GPATCH8: variants seen among roughly 807,000 people sequenced by gnomAD.
GPATCH8 encodes the protein G patch domain-containing protein 8.
In GPATCH8, 18 loss-of-function variants were observed where a neutral mutation model predicts 118.3. The observed-to-expected ratio is 0.15, with a 90% CI of 0.11 to 0.23. The LOEUF (loss-of-function observed/expected upper bound fraction) is 0.23, where lower values mean the gene tolerates loss of function less well. Ranked by LOEUF, GPATCH8 falls within the 10% of genes least tolerant of loss-of-function variation. GPATCH8 has a pLI of 1.00. For missense variants in GPATCH8, 1,631 were observed against 1,873.8 expected, an observed-to-expected ratio of 0.87 and a Z score of 2.39; for synonymous variants, 659 against 684.7, an observed-to-expected ratio of 0.96 and a Z score of 0.59.
intron 6 of GPATCH8, among the ~76,000 whole-genome samples, chr17:44,412,191 G>A (rs528781265): frequency 3.9e-5 from 6 of 152,184 alleles, no homozygotes; most frequent in South Asian, 4.1e-4. Flanking sequence ...CCAAAATGCC[G>A]GGATTACAGG....
chr17:44,396,822 G>C lies in GPATCH8; in HGVS notation c.*746C>G. The C allele has an allele frequency of 2.2e-6, 1 of 454,352 alleles. No homozygotes were observed. Among genetic ancestry groups the C allele is most frequent in the Non-Finnish European group, 4.4e-6 (1 of 226,752 alleles). The allele number at this position is 454,352 out of a possible 1,614,324, so 28.1% of individuals were successfully genotyped here. ...AGAAGGAAACATCAACACAACAGAA[G>C]AAAATATACCCTTCACTTTAGACAC... On this transcript the variant is annotated 3_prime_UTR_variant, in exon 8 of 8. Coordinates refer to ENST00000591680, the MANE Select transcript of GPATCH8 (RefSeq NM_001002909.4).
chr17:44,455,514 TAAAAA>T (rs969766306), intron 3 of GPATCH8, among the ~76,000 whole-genome samples: 1 of 150,992 alleles, frequency 6.6e-6, no homozygotes, highest in Admixed American at 6.6e-5. Flanking sequence ...AAAAAAAAAT[TAAAAA>T]AAATAAAATT....
chr17:44,449,361 AT>A (rs2051027968), intron 3 of GPATCH8, among the ~76,000 whole-genome samples: 1 of 151,926 alleles, frequency 6.6e-6, no homozygotes, highest in Non-Finnish European at 1.5e-5. Flanking sequence ...TCGACATTAA[AT>A]TTTTTGCTTG....
intron 1 of GPATCH8, among the ~76,000 whole-genome samples, chr17:44,483,154 CAAAAAAAAA>C (rs1178488342): frequency 1.2e-3 from 1 of 846 alleles, no homozygotes; most frequent in African/African-American, 3.5e-3. Flanking sequence ...GACTCCGTCT[CAAAAAAAAA>C]AAAAAAAAAA....
intron 1 of GPATCH8, among the ~76,000 whole-genome samples, chr17:44,476,621 T>G (rs1967806135): frequency 6.6e-6 from 1 of 152,218 alleles, no homozygotes; most frequent in Non-Finnish European, 1.5e-5. Flanking sequence ...GGTAACATTA[T>G]TTTAAACTAA....
chr17:44,410,689 T>C (rs2143754439), intron 6 of GPATCH8, among the ~76,000 whole-genome samples: 1 of 152,314 alleles, frequency 6.6e-6, no homozygotes, highest in Non-Finnish European at 1.5e-5. Context: ...ATATGAAGAT[T>C]CTGTTTTCCT....
chr17:44,433,668 T>A (rs1052400784), intron 5 of GPATCH8, among the ~76,000 whole-genome samples: 6 of 152,086 alleles, frequency 3.9e-5, no homozygotes, highest in Admixed American at 6.6e-5. Flanking sequence ...AGAGAAAGAA[T>A]GTAGCCAGAA....
At chr17:44,495,442 C>A (rs1969594025) in intron 1 of GPATCH8, among the ~76,000 whole-genome samples, 2 of 152,118 alleles carry the variant, frequency 1.3e-5, no homozygotes, top group South Asian at 2.1e-4. Flanking sequence ...GATAATCATG[C>A]TGGTTTTTCT....
intron 1 of GPATCH8, among the ~76,000 whole-genome samples, chr17:44,478,270 G>A (rs60297113): frequency 0.012 from 1,856 of 152,250 alleles, 32 homozygotes; most frequent in African/African-American, 0.037. Flanking sequence ...CAAATACTGA[G>A]ATTAACTCAA....
At chr17:44,411,858 T>C (rs950413593) in intron 6 of GPATCH8, among the ~76,000 whole-genome samples, 2 of 152,168 alleles carry the variant, frequency 1.3e-5, no homozygotes, top group Admixed American at 1.3e-4. Context: ...TTTGGGAGGC[T>C]GAGGTAAAAG....
intron 5 of GPATCH8, among the ~76,000 whole-genome samples, chr17:44,428,852 A>C (rs2050186981): frequency 6.6e-6 from 1 of 150,978 alleles, no homozygotes; most frequent in Admixed American, 6.6e-5. Context: ...GAATATTTAC[A>C]CAGACAAGGC....
intron 3 of GPATCH8, among the ~76,000 whole-genome samples, chr17:44,449,200 C>A (rs1277022524): frequency 6.6e-6 from 1 of 152,138 alleles, no homozygotes; most frequent in East Asian, 1.9e-4. Context: ...TCACTTGAAC[C>A]CGGGAGGCAG....
chr17:44,399,104 G>A lies in GPATCH8; in HGVS notation c.2973C>T (p.Asp991=). The A allele has an allele frequency of 1.2e-6, 2 of 1,613,708 alleles. No individual in the cohort carries two copies. Among genetic ancestry groups the A allele is most frequent in the Non-Finnish European group, 1.7e-6 (2 of 1,179,724 alleles). The change falls in exon 8 of 8, where the codon GAC becomes GAT. Residue 991 remains aspartate, a synonymous_variant. Coordinates refer to ENST00000591680, the MANE Select transcript of GPATCH8 (RefSeq NM_001002909.4). ...AAGGGCTCCTGGTGCTGCGGCTGCG[G>A]TCCCGGCTATAGCTCCGGCTCCGTT... ...SWQRSRSYSR[D]RSRSTRSPSQ...
chr17:44,477,897 C>A (rs2144396421), intron 1 of GPATCH8, among the ~76,000 whole-genome samples: 1 of 152,270 alleles, frequency 6.6e-6, no homozygotes, highest in East Asian at 1.9e-4. Context: ...GCAAACAAGG[C>A]CTCCCAGATT....
intron 6 of GPATCH8, among the ~76,000 whole-genome samples, chr17:44,419,931 G>A (rs947100756): frequency 2.0e-5 from 3 of 151,736 alleles, no homozygotes; most frequent in African/African-American, 7.3e-5. Flanking sequence ...AGATCCTACT[G>A]TTTGCATTAG....
intron 3 of GPATCH8, among the ~76,000 whole-genome samples, chr17:44,447,772 A>G (rs983711449): frequency 1.3e-5 from 2 of 152,188 alleles, no homozygotes; most frequent in Admixed American, 6.6e-5. Context: ...GGCTACAGGC[A>G]TAAGCCATCA....
chr17:44,429,862 T>TAAA (rs778605043), intron 5 of GPATCH8, among the ~76,000 whole-genome samples: 1 of 128,948 alleles, frequency 7.8e-6, no homozygotes, highest in Non-Finnish European at 1.7e-5. Flanking sequence ...AGACTCCGTC[T>TAAA]AAAAAAAAAA....
At chr17:44,444,614 A>C (rs749828772) in intron 3 of GPATCH8, among the ~76,000 whole-genome samples, 2 of 152,190 alleles carry the variant, frequency 1.3e-5, no homozygotes, top group Non-Finnish European at 2.9e-5. Flanking sequence ...CTGCATTTAA[A>C]ATACAAAAAT....
intron 6 of GPATCH8, among the ~76,000 whole-genome samples, chr17:44,422,809 A>G (rs893890731): frequency 6.6e-6 from 1 of 151,870 alleles, no homozygotes; most frequent in Non-Finnish European, 1.5e-5. Flanking sequence ...AAATACTTTG[A>G]AAAACTGGAA....
Sources: gnomAD v4.1 joint callset for allele counts (sites outside exome capture counted in the v4.1 genomes callset) on GRCh38, gnomAD v4.1.1 for gene constraint, MANE v1.5 for transcripts, NCBI Gene and HGNC (gene_info 2026-07-23, HGNC 2026-07-21) for gene names.